KBTBD13: variants seen among roughly 807,000 people sequenced by gnomAD.
The protein encoded by KBTBD13 is kelch repeat and BTB domain containing 13.
Under a neutral mutation model 25.4 loss-of-function variants are expected in KBTBD13, and 32 were observed. The observed-to-expected ratio is 1.26, with a 90% CI of 0.95 to 1.69. The LOEUF is 1.69. KBTBD13 is among the 40% of genes most tolerant of loss of function. KBTBD13 has a pLI of 0.00. For missense variants in KBTBD13, 898 were observed against 679.5 expected (o/e 1.32, Z -3.57); for synonymous variants, 436 against 329.8 (o/e 1.32, Z -3.49).
Position 65,077,577 on chromosome 15 carries a change from CG to C in KBTBD13, c.764del (p.Gly255AlafsTer187). On this transcript the variant is annotated frameshift_variant, in exon 1 of 1. Coordinates refer to ENST00000432196, the MANE Select transcript of KBTBD13 (RefSeq NM_001101362.3). LOFTEE classifies it high-confidence loss of function. ...HQPRYDTALA[G>X]FDGRLYAIGG... ...AGCCGCGCTATGACACAGCGCTGGCCGGCTTCGACGGCCGCCTCTACGCCAT... is the reference window on the plus strand; with the variant it reads ...AGCCGCGCTATGACACAGCGCTGGCCGCTTCGACGGCCGCCTCTACGCCAT... 1 of 1,558,696 alleles carries C rather than the reference CG, an allele frequency of 6.4e-7. No homozygotes were observed. The highest frequency in any genetic ancestry group is 1.2e-5 in the South Asian group (1 of 85,822).
rs1365062168 is a variant in KBTBD13 at position 65,077,401 on chromosome 15, G to A, written c.586G>A (p.Glu196Lys). ...AWRTLAALPLEASTLLAGVAT... is the reference protein window; with the variant it reads ...AWRTLAALPLKASTLLAGVAT... ...GCGCACGCTGGCTGCGCTGCCCCTG[G>A]AGGCCAGCACGTTGCTGGCCGGGGT... Residue 196 changes from glutamate (E) to lysine (K), a missense_variant, in exon 1 of 1, where the codon GAG becomes AAG. By Grantham distance (56) the Glu-to-Lys change is moderately conservative (BLOSUM62 1). Coordinates refer to ENST00000432196, the MANE Select transcript of KBTBD13 (RefSeq NM_001101362.3). The A allele has an allele frequency of 6.6e-7, 1 of 1,522,650 alleles. No homozygotes were observed. Among genetic ancestry groups the A allele is most frequent in the Admixed American group, 2.0e-5 (1 of 50,554 alleles). 94.3% of individuals were successfully genotyped at this position (1,522,650 alleles called of 1,614,324 possible).
rs200549195 is a variant in KBTBD13, at chr15:65,077,557, C to T, written c.742C>T (p.Arg248Cys). ...WHEFPSPHQP[R>C]YDTALAGFDG... is the part of the protein sequence containing the mutation. The stretch of plus-strand genomic sequence containing the variant: ...CGAGTTCCCCAGCCCGCACCAGCCG[C>T]GCTATGACACAGCGCTGGCCGGCTT... Residue 248 changes from arginine (R) to cysteine (C), a missense_variant, in exon 1 of 1, where the codon CGC becomes TGC. Transcript: ENST00000432196. 1.0e-3 allele frequency: 1,621 copies of T among 1,549,924 alleles called. 3 individuals carry two copies. The highest frequency in any genetic ancestry group is 1.3e-3 in the Non-Finnish European group (1,544 of 1,154,690).
At position 65,077,921 on chromosome 15, in the gene KBTBD13, T is replaced by G; in HGVS notation, c.1106T>G (p.Ile369Ser). Residue 369 changes from isoleucine to serine, a missense_variant, in exon 1 of 1, where the codon ATC (isoleucine) becomes AGC (serine). Coordinates refer to ENST00000432196, the MANE Select transcript of KBTBD13 (RefSeq NM_001101362.3). ...TCCGACGACTTCCTGCACTGCGCCA[T>G]CGACTGTCTCAACCTGGCCACGGGC... ...GPSDDFLHCA[I>S]DCLNLATGQW... 1.9e-6 allele frequency: 3 copies of G among 1,611,946 alleles called. No homozygotes were observed. Among genetic ancestry groups the G allele is most frequent in the Non-Finnish European group, 2.5e-6 (3 of 1,179,778 alleles).
In KBTBD13 at chr15:65,077,730, C is replaced by G; in HGVS notation, c.915C>G (p.Gly305=). 6.3e-7 allele frequency: 1 copy of G among 1,584,024 alleles called. No individual in the cohort carries two copies. The highest frequency in any genetic ancestry group is 1.1e-5 in the South Asian group (1 of 88,994). The change falls in exon 1 of 1, where the codon GGC becomes GGG. Residue 305 remains glycine, a synonymous_variant. Transcript: ENST00000432196. ...GCGTGCCCTGCGCCCAGGCTTGTGG[C>G]CGTCTCTTCGTGTGCCTGTGGCGGC... is the stretch of plus-strand genomic sequence containing the variant. ...AAGVPCAQAC[G]RLFVCLWRPA... is the part of the protein sequence containing the mutation.
At position 65,079,171 on chromosome 15, in the gene KBTBD13, A is replaced by G. The variant is rs1245073044; in HGVS notation, c.*979A>G. The stretch of plus-strand genomic sequence containing the variant: ...ACGGGGCAGTGGACTGTTAACCCAC[A>G]TGACTTCAGGTCAGTTGAGGTATGA... On this transcript the variant is annotated 3_prime_UTR_variant, in exon 1 of 1. Transcript: ENST00000432196. 1.3e-5 allele frequency among the ~76,000 whole-genome samples: 2 copies of G among 152,216 alleles called. No homozygotes were observed. Among genetic ancestry groups the G allele is most frequent in the Non-Finnish European group, 2.9e-5 (2 of 68,032 alleles).
In KBTBD13 at chr15:65,077,371, G is replaced by GC; in HGVS notation, c.557dup (p.Trp187ValfsTer64). 1 of 1,509,918 alleles carries GC rather than the reference G, an allele frequency of 6.6e-7. No individual in the cohort carries two copies. The highest frequency in any genetic ancestry group is 8.8e-7 in the Non-Finnish European group (1 of 1,130,472). The allele number at this position is 1,509,918 out of a possible 1,614,324, so 93.5% of individuals were successfully genotyped here. A position where few individuals can be genotyped will look rare whatever the true frequency, so the allele number is the denominator to read the frequency against. ...GTGTTACCTGGACGAGGAAGAGGAC[G>GC]CGTGGCGCACGCTGGCTGCGCTGCC... On this transcript the variant is annotated frameshift_variant, in exon 1 of 1. Transcript: ENST00000432196. LOFTEE classifies it high-confidence loss of function.
chr15:65,077,805 G>T lies in KBTBD13; in HGVS notation c.990G>T (p.Trp330Cys). ...AGTACGCAGTGCGGACCGACGCGTG[G>T]CTGCCAGTGGCCGAGCTGCGGCGTC... Reference protein sequence around the residue: ...VVEYAVRTDAWLPVAELRRPQ... With the variant: ...VVEYAVRTDACLPVAELRRPQ... Residue 330 changes from tryptophan to cysteine, a missense_variant, in exon 1 of 1, where the codon TGG (tryptophan) becomes TGT (cysteine). Coordinates refer to ENST00000432196, the MANE Select transcript of KBTBD13 (RefSeq NM_001101362.3). 1 of 1,599,770 alleles carries T rather than the reference G, an allele frequency of 6.3e-7. No homozygotes were observed.
rs1481658087 is a variant in KBTBD13 at position 65,077,396 on chromosome 15, C to A, written c.581C>A (p.Pro194His). 2.0e-6 allele frequency: 3 copies of A among 1,521,918 alleles called. No homozygotes were observed. Among genetic ancestry groups the A allele is most frequent in the Non-Finnish European group, 2.6e-6 (3 of 1,138,136 alleles). 94.3% of individuals were successfully genotyped at this position (1,521,918 alleles called of 1,614,324 possible). A position where few individuals can be genotyped will look rare whatever the true frequency, so the allele number is the denominator to read the frequency against. ...GCGTGGCGCACGCTGGCTGCGCTGCCCCTGGAGGCCAGCACGTTGCTGGCC... is the reference window on the plus strand; with the variant it reads ...GCGTGGCGCACGCTGGCTGCGCTGCACCTGGAGGCCAGCACGTTGCTGGCC... ...EDAWRTLAAL[P>H]LEASTLLAGV... Residue 194 changes from proline to histidine, a missense_variant, in exon 1 of 1, where the codon CCC (proline) becomes CAC (histidine). Pro to His is a moderately conservative substitution (Grantham distance 77). Coordinates refer to ENST00000432196, the MANE Select transcript of KBTBD13 (RefSeq NM_001101362.3).
chr15:65,076,905 CT>C lies in KBTBD13; in HGVS notation c.92del (p.Phe31SerfsTer23). ...GCGCCCTGCTGGTGGAGCACTGTGG[CT>C]TCTTCCGAGGCCTCTTCCGCTCCGG... ...DRALLVEHCGFFRGLFRSGMR... is the reference protein window; with the variant it reads ...DRALLVEHCGXFRGLFRSGMR... On this transcript the variant is annotated frameshift_variant, in exon 1 of 1. Coordinates refer to ENST00000432196, the MANE Select transcript of KBTBD13 (RefSeq NM_001101362.3). LOFTEE classifies it high-confidence loss of function. 1 of 1,564,548 alleles carries C rather than the reference CT, an allele frequency of 6.4e-7. No individual in the cohort carries two copies. Among genetic ancestry groups the C allele is most frequent in the Non-Finnish European group, 8.6e-7 (1 of 1,162,808 alleles).
In KBTBD13 at chr15:65,077,802, G is replaced by A. The variant is rs1381775614; in HGVS notation, c.987G>A (p.Ala329=). The A allele has an allele frequency of 1.3e-6, 2 of 1,598,340 alleles. No individual in the cohort carries two copies. The highest frequency in any genetic ancestry group is 1.1e-5 in the South Asian group (1 of 89,768). Residue 329 remains alanine (A), a synonymous_variant, in exon 1 of 1, where the codon GCG becomes GCA. Coordinates refer to ENST00000432196, the MANE Select transcript of KBTBD13 (RefSeq NM_001101362.3). ...AVVEYAVRTD[A]WLPVAELRRP... ...TGGAGTACGCAGTGCGGACCGACGC[G>A]TGGCTGCCAGTGGCCGAGCTGCGGC...
At position 65,077,512 on chromosome 15, in the gene KBTBD13, C is replaced by T. The variant is rs768422348; in HGVS notation, c.697C>T (p.Pro233Ser). 6.6e-7 allele frequency: 1 copy of T among 1,524,652 alleles called. No individual in the cohort carries two copies. Among genetic ancestry groups the T allele is most frequent in the South Asian group, 1.2e-5 (1 of 83,928 alleles). The allele number at this position is 1,524,652 out of a possible 1,614,324, so 94.4% of individuals were successfully genotyped here. ...EVVELGFCYD[P>S]DGGTWHEFPS... The stretch of plus-strand genomic sequence containing the variant: ...GGTAGAGCTGGGCTTCTGCTACGAC[C>T]CCGACGGCGGCACGTGGCACGAGTT... The change falls in exon 1 of 1, where the codon CCC becomes TCC. Residue 233 changes from proline (P) to serine (S), a missense_variant. Physicochemically the swap from Pro to Ser is moderately conservative, Grantham distance 74 (BLOSUM62 -1). Coordinates refer to ENST00000432196, the MANE Select transcript of KBTBD13 (RefSeq NM_001101362.3).
rs116623596 is a variant in KBTBD13 at position 65,077,943 on chromosome 15, G to C, written c.1128G>C (p.Thr376=). The change falls in exon 1 of 1, where the codon ACG becomes ACC. Residue 376 remains threonine, a synonymous_variant. Transcript: ENST00000432196. The part of the protein sequence containing the change: ...HCAIDCLNLA[T]GQWTALPGQF... ...CCATCGACTGTCTCAACCTGGCCACGGGCCAGTGGACGGCGCTGCCCGGCC... is the reference window on the plus strand; with the variant it reads ...CCATCGACTGTCTCAACCTGGCCACCGGCCAGTGGACGGCGCTGCCCGGCC... 3.1e-6 allele frequency: 5 copies of C among 1,611,798 alleles called. No homozygotes were observed. Among genetic ancestry groups the C allele is most frequent in the East Asian group, 4.5e-5 (2 of 44,870 alleles).
In KBTBD13 at chr15:65,078,262, C is replaced by A; in HGVS notation, c.*70C>A. 6.7e-7 allele frequency: 1 copy of A among 1,496,048 alleles called. No homozygotes were observed. Among genetic ancestry groups the A allele is most frequent in the Non-Finnish European group, 8.9e-7 (1 of 1,125,316 alleles). 92.7% of individuals were successfully genotyped at this position (1,496,048 alleles called of 1,614,324 possible). ...CTGAGCTATGGCTGAGTGTGTGAGG[C>A]CGGCCTTAGAAGTAGCTGGCAACTT... On this transcript the variant is annotated 3_prime_UTR_variant, in exon 1 of 1. Coordinates refer to ENST00000432196, the MANE Select transcript of KBTBD13 (RefSeq NM_001101362.3).
chr15:65,077,186 G>A lies in KBTBD13; in HGVS notation c.371G>A (p.Ser124Asn). 2 of 1,484,766 alleles carry A rather than the reference G, an allele frequency of 1.3e-6. No individual in the cohort carries two copies. Among genetic ancestry groups the A allele is most frequent in the Non-Finnish European group, 1.8e-6 (2 of 1,120,724 alleles). The allele number at this position is 1,484,766 out of a possible 1,614,324, so 92.0% of individuals were successfully genotyped here. Reference sequence around the variant, plus strand: ...TTCGGCCTGCGCGACGTGTTCCACAGTGCCGCGCTCTTCATCTGCGACGGC... The same window carrying A: ...TTCGGCCTGCGCGACGTGTTCCACAATGCCGCGCTCTTCATCTGCGACGGC... ...AAFGLRDVFH[S>N]AALFICDGER... Residue 124 changes from serine (S) to asparagine (N), a missense_variant, in exon 1 of 1, where the codon AGT (serine) becomes AAT (asparagine). Transcript: ENST00000432196.
rs1182397271 is a variant in KBTBD13, at chr15:65,078,874, G to C, written c.*682G>C. Among the ~76,000 whole-genome samples, 1 of 152,202 alleles carries C rather than the reference G, an allele frequency of 6.6e-6. No homozygotes were observed. Among genetic ancestry groups the C allele is most frequent in the Non-Finnish European group, 1.5e-5 (1 of 68,048 alleles). ...ATTAGCTGCTGAAAGGGGAGGCTTA[G>C]ACCATGGAGGCTGAGAGCTCAGAAG... On this transcript the variant is annotated 3_prime_UTR_variant, in exon 1 of 1. Transcript: ENST00000432196.
rs1456044134 is a variant in KBTBD13, at chr15:65,077,885, G to A, written c.1070G>A (p.Arg357His). Residue 357 changes from arginine (R) to histidine (H), a missense_variant, in exon 1 of 1, where the codon CGC becomes CAC. Physicochemically the swap from Arg to His is conservative, Grantham distance 29. Transcript: ENST00000432196. ...VAHRDSLYVV[R>H]NGPSDDFLHC... ...CACCGCGACAGCCTCTATGTGGTGCGCAACGGACCTTCCGACGACTTCCTG... is the reference window on the plus strand; with the variant it reads ...CACCGCGACAGCCTCTATGTGGTGCACAACGGACCTTCCGACGACTTCCTG... The A allele has an allele frequency of 6.2e-7, 1 of 1,611,784 alleles. No individual in the cohort carries two copies. The highest frequency in any genetic ancestry group is 8.5e-7 in the Non-Finnish European group (1 of 1,179,786).
Position 65,077,851 on chromosome 15 carries a change from A to G in KBTBD13, c.1036A>G (p.Met346Val), listed in dbSNP as rs765183787. ...GCGTCCGCAGAGCTATGGCCACTGCATGGTGGCCCACCGCGACAGCCTCTA... is the reference window on the plus strand; with the variant it reads ...GCGTCCGCAGAGCTATGGCCACTGCGTGGTGGCCCACCGCGACAGCCTCTA... The part of the protein sequence containing the change: ...LRRPQSYGHC[M>V]VAHRDSLYVV... The change falls in exon 1 of 1, where the codon ATG becomes GTG. Residue 346 changes from methionine to valine, a missense_variant. Coordinates refer to ENST00000432196, the MANE Select transcript of KBTBD13 (RefSeq NM_001101362.3). 6.2e-7 allele frequency: 1 copy of G among 1,610,740 alleles called. No homozygotes were observed. The highest frequency in any genetic ancestry group is 8.5e-7 in the Non-Finnish European group (1 of 1,179,688).
chr15:65,078,615 C>T lies in KBTBD13; in HGVS notation c.*423C>T, dbSNP rs2087012974. On this transcript the variant is annotated 3_prime_UTR_variant, in exon 1 of 1. Transcript: ENST00000432196. ...AGTTGCCACACAGGGATCCAGGAAG[C>T]TTAAAGGATAACCCAGAAAACAATC... Among the ~76,000 whole-genome samples, 1 of 152,114 alleles carries T rather than the reference C, an allele frequency of 6.6e-6. No individual in the cohort carries two copies. The highest frequency in any genetic ancestry group is 1.5e-5 in the Non-Finnish European group (1 of 68,032).
In KBTBD13 at chr15:65,078,149, C is replaced by A. The variant is rs192406963; in HGVS notation, c.1334C>A (p.Pro445His). ...CAGACCTTTCTCCTAAGGCTGCCTC[C>A]TGGCGCTCCTGGGCCTGTGACTTCG... The part of the protein sequence containing the change: ...SLQTFLLRLP[P>H]GAPGPVTSTT... Residue 445 changes from proline to histidine, a missense_variant, in exon 1 of 1, where the codon CCT becomes CAT. Transcript: ENST00000432196. 1 of 1,546,456 alleles carries A rather than the reference C, an allele frequency of 6.5e-7. No homozygotes were observed. The highest frequency in any genetic ancestry group is 1.9e-5 in the Admixed American group (1 of 51,702).
Sources: gnomAD v4.1 joint callset for allele counts (sites outside exome capture counted in the v4.1 genomes callset) on GRCh38, gnomAD v4.1.1 for gene constraint, MANE v1.5 for transcripts, NCBI Gene and HGNC (gene_info 2026-07-23, HGNC 2026-07-21) for gene names.